DNAI7: variants seen among roughly 807,000 people sequenced by gnomAD.
The protein encoded by DNAI7 is cancer susceptibility 1.
A neutral mutation model predicts 86.6 loss-of-function variants in DNAI7; 78 were observed. The observed-to-expected ratio is 0.90, with a 90% CI of 0.75 to 1.09. The LOEUF is 1.09. DNAI7 is among the 50% of genes least tolerant of loss of function. The pLI is 0.00. For synonymous variants in DNAI7, 274 were observed against 273.0 expected, an observed-to-expected ratio of 1.00 and a Z score of -0.04; for missense variants, 753 against 810.2, an observed-to-expected ratio of 0.93 and a Z score of 0.86.
chr12:25,119,016 A>C, intron 12 of DNAI7, 129 bp downstream of exon 12: 1 of 738,270 alleles, frequency 1.4e-6, no homozygotes, highest in East Asian at 2.9e-5. Context: ...GAACAAACAA[A>C]ACAAGACCCT....
At chr12:25,126,533 T>G (rs996113065) in intron 9 of DNAI7, among the ~76,000 whole-genome samples, 7 of 152,024 alleles carry the variant, frequency 4.6e-5, no homozygotes, top group Non-Finnish European at 7.4e-5. Flanking sequence ...GAGGAGGGAC[T>G]GGATATAAAA....
At chr12:25,149,212 T>C (rs777308227) in intron 7 of DNAI7, among the ~76,000 whole-genome samples, 1 of 152,144 alleles carries the variant, frequency 6.6e-6, no homozygotes. Context: ...AATAATAAGG[T>C]TGGTGCAAAA....
intron 9 of DNAI7, among the ~76,000 whole-genome samples, chr12:25,139,785 C>T (rs1381045247): frequency 3.9e-5 from 6 of 152,000 alleles, no homozygotes; most frequent in African/African-American, 1.2e-4. Context: ...CACCATGGCA[C>T]ATGTATACCT....
At chr12:25,124,739 C>T (rs553122174) in intron 9 of DNAI7, among the ~76,000 whole-genome samples, 1 of 152,152 alleles carries the variant, frequency 6.6e-6, no homozygotes, top group Admixed American at 6.5e-5. Context: ...GCCTAGTACC[C>T]AATAGTTATT....
At chr12:25,165,966 C>G (rs1452764025) in intron 2 of DNAI7, among the ~76,000 whole-genome samples, 1 of 152,114 alleles carries the variant, frequency 6.6e-6, no homozygotes, top group African/African-American at 2.4e-5. Context: ...ACAGCCACAC[C>G]TCAATGCCGC....
intron 2 of DNAI7, among the ~76,000 whole-genome samples, chr12:25,181,684 G>GA (rs200286138): frequency 0.062 from 9,229 of 149,328 alleles, 375 homozygotes; most frequent in Non-Finnish European, 0.093. Flanking sequence ...AACTTAATAA[G>GA]AAAAAAAAAG....
intron 2 of DNAI7, among the ~76,000 whole-genome samples, chr12:25,165,891 C>T (rs1400015418): frequency 2.6e-5 from 4 of 152,172 alleles, no homozygotes; most frequent in African/African-American, 9.7e-5. Flanking sequence ...CCCCACCCGC[C>T]CAGTTCACTT....
chr12:25,176,770 C>CGT (rs1246597975), intron 2 of DNAI7, among the ~76,000 whole-genome samples: 3 of 151,156 alleles, frequency 2.0e-5, no homozygotes, highest in African/African-American at 7.3e-5. Flanking sequence ...AGTTTTCTAA[C>CGT]GTATATATAT....
chr12:25,168,591 A>G (rs1357470063), intron 2 of DNAI7, among the ~76,000 whole-genome samples: 2 of 152,152 alleles, frequency 1.3e-5, no homozygotes, highest in East Asian at 3.8e-4. Context: ...GCCTTGACTT[A>G]CTCACTGCTG....
chr12:25,178,878 A>G (rs1305186768), intron 2 of DNAI7, among the ~76,000 whole-genome samples: 1 of 151,782 alleles, frequency 6.6e-6, no homozygotes, highest in African/African-American at 2.4e-5. Context: ...ATTTGTTCTT[A>G]TTATTTCCTT....
At position 25,174,427 on chromosome 12, in the gene DNAI7, C is replaced by CAT. The variant is rs373734003; in HGVS notation, c.22-13232_22-13231dup. The stretch of plus-strand genomic sequence containing the variant: ...TATGGGATATATGGGATATATATAT[C>CAT]ATATATATCATATATATGGGATATA... On this transcript the variant is annotated intron_variant, in intron 2 of 15. Transcript: ENST00000395987. Among the ~76,000 whole-genome samples, 12 of 3,676 alleles carry CAT rather than the reference C, an allele frequency of 3.3e-3. 5 individuals carry two copies. Among genetic ancestry groups the CAT allele is most frequent in the African/African-American group, 8.9e-3 (7 of 784 alleles). 2.4% of individuals were successfully genotyped at this position (3,676 alleles called of 152,430 possible).
At chr12:25,111,141 T>C in intron 14 of DNAI7, among the ~76,000 whole-genome samples, 1 of 152,224 alleles carries the variant, frequency 6.6e-6, no homozygotes. Context: ...TGCCTACAAA[T>C]TCACTTTTCA....
chr12:25,194,762 G>C, intron 1 of DNAI7: 1 of 903,418 alleles, frequency 1.1e-6, no homozygotes, highest in Non-Finnish European at 1.7e-6. Flanking sequence ...TAGTGGGAAC[G>C]TCTATCACTA....
chr12:25,126,688 T>G (rs1942183748), intron 9 of DNAI7, among the ~76,000 whole-genome samples: 2 of 152,134 alleles, frequency 1.3e-5, no homozygotes, highest in Admixed American at 1.3e-4. Context: ...TGAATTTGAT[T>G]GTGGAATGTT....
chr12:25,173,914 G>T (rs1368623250), intron 2 of DNAI7, among the ~76,000 whole-genome samples: 1 of 138,104 alleles, frequency 7.2e-6, no homozygotes, highest in Non-Finnish European at 1.6e-5. Flanking sequence ...TCATATATAT[G>T]GAATATATAT....
intron 14 of DNAI7, among the ~76,000 whole-genome samples, chr12:25,110,634 A>C (rs1321728097): frequency 6.6e-6 from 1 of 152,206 alleles, no homozygotes; most frequent in Non-Finnish European, 1.5e-5. Context: ...CCAGATGTGC[A>C]CATGGCTAAA....
chr12:25,159,093 C>A (rs1027633008), intron 3 of DNAI7, among the ~76,000 whole-genome samples: 6 of 152,180 alleles, frequency 3.9e-5, no homozygotes, highest in African/African-American at 1.4e-4. Flanking sequence ...TGGGTATATA[C>A]CCAAAGGATT....
At chr12:25,125,851 T>C (rs1942054660) in intron 9 of DNAI7, among the ~76,000 whole-genome samples, 2 of 152,278 alleles carry the variant, frequency 1.3e-5, no homozygotes, top group Admixed American at 1.3e-4. Flanking sequence ...CCCAGAACCA[T>C]TTTAATTGAA....
At chr12:25,180,897 C>T (rs1949437198) in intron 2 of DNAI7, among the ~76,000 whole-genome samples, 1 of 152,136 alleles carries the variant, frequency 6.6e-6, no homozygotes, top group Admixed American at 6.5e-5. Flanking sequence ...ACCTCTGCCT[C>T]CCGGGTTCAA....
Sources: allele counts gnomAD v4.1 joint callset (sites outside exome capture counted in the v4.1 genomes callset), GRCh38; gene constraint gnomAD v4.1.1; transcripts MANE v1.5; gene names NCBI Gene and HGNC (gene_info 2026-07-23, HGNC 2026-07-21).